Variants in LRRC9 observed in about 807,000 individuals in gnomAD.
LRRC9 encodes the protein leucine-rich repeat-containing protein 9.
A neutral mutation model predicts 63.2 loss-of-function variants in LRRC9; 122 were observed. The observed-to-expected ratio is 1.93, with a 90% CI of 1.67 to 2.24. The LOEUF (loss-of-function observed/expected upper bound fraction) is 2.24, where lower values mean the gene tolerates loss of function less well. Among genes scored for constraint, LRRC9 ranks in the 30% most tolerant of loss-of-function variants. The probability of loss-of-function intolerance (pLI) is 0.00; values close to 1 mark genes in which losing one functional copy is unlikely to be tolerated. For missense variants in LRRC9, 1,071 were observed against 627.7 expected, an observed-to-expected ratio of 1.71 and a Z score of -7.55; for synonymous variants, 366 against 213.1, an observed-to-expected ratio of 1.72 and a Z score of -6.25.
At chr14:59,994,744 A>G (rs559724969) in intron 17 of LRRC9, among the ~76,000 whole-genome samples, 1 of 152,274 alleles carries the variant, frequency 6.6e-6, no homozygotes, top group African/African-American at 2.4e-5. Flanking sequence ...CATCATTCTC[A>G]GCAAACTATC....
chr14:60,021,380 T>C (rs1273579017), intron 26 of LRRC9, among the ~76,000 whole-genome samples: 1 of 151,920 alleles, frequency 6.6e-6, no homozygotes, highest in African/African-American at 2.4e-5. Context: ...AGTGTCTTTA[T>C]ACTGGGGGTA....
At chr14:60,040,376 T>G (rs1325853032) in intron 29 of LRRC9, among the ~76,000 whole-genome samples, 1 of 151,890 alleles carries the variant, frequency 6.6e-6, no homozygotes, top group Non-Finnish European at 1.5e-5. Flanking sequence ...AGTCTCCCAT[T>G]ATTATTGTGT....
At chr14:59,982,167 G>A (rs1887001439) in intron 16 of LRRC9, 107 bp downstream of exon 16, 2 of 609,206 alleles carry the variant, frequency 3.3e-6, no homozygotes, top group Non-Finnish European at 5.8e-6. Flanking sequence ...ATGATGCCAG[G>A]TACAATGCTA....
intron 8 of LRRC9, among the ~76,000 whole-genome samples, chr14:59,956,853 G>A (rs542156449): frequency 2.0e-5 from 3 of 152,238 alleles, no homozygotes; most frequent in South Asian, 2.1e-4. Context: ...ACGTTTGCTT[G>A]TCTGTAAAGG....
chr14:60,025,612 C>T (rs1891483460), intron 27 of LRRC9, among the ~76,000 whole-genome samples: 1 of 149,948 alleles, frequency 6.7e-6, no homozygotes, highest in Admixed American at 6.7e-5. Context: ...AGGTGTTTGT[C>T]TACATAGATT....
chr14:60,011,725 G>A (rs755091820), intron 23 of LRRC9, among the ~76,000 whole-genome samples: 3 of 152,190 alleles, frequency 2.0e-5, no homozygotes, highest in Non-Finnish European at 2.9e-5. Flanking sequence ...GAATGCATTG[G>A]ATTTGAAGGG....
exon 8 of LRRC9, chr14:59,944,611 T>G: frequency 1.7e-6 from 1 of 584,344 alleles, no homozygotes; most frequent in South Asian, 2.2e-5. Context: ...AAAAAAATAA[T>G]GTATTATAAT....
At position 59,922,497 on chromosome 14, in the gene LRRC9, G is replaced by A. The variant is rs746649709; in HGVS notation, c.-34+2614G>A. 4.6e-5 allele frequency among the ~76,000 whole-genome samples: 7 copies of A among 152,186 alleles called. No homozygotes were observed. The highest frequency in any genetic ancestry group is 6.5e-5 in the Admixed American group (1 of 15,282). ...TTTATATACAGAAATAAAGGAGACC[G>A]TTGACAAGGAAATTTGGCAATAAAT... On this transcript the variant is annotated intron_variant, in intron 1 of 31. Coordinates refer to ENST00000445360, the Ensembl canonical transcript of LRRC9. This position sits in a 1 kb window ranked among gnomAD's most constrained non-coding sequence, Gnocchi z 5.3.
At chr14:59,991,819 T>C (rs921396626) in intron 17 of LRRC9, among the ~76,000 whole-genome samples, 1 of 151,936 alleles carries the variant, frequency 6.6e-6, no homozygotes, top group Admixed American at 6.6e-5. Context: ...GCCCAGAAGC[T>C]CGAACTGCGT....
intron 13 of LRRC9, among the ~76,000 whole-genome samples, chr14:59,976,483 G>GT (rs1206920832): frequency 1.3e-5 from 2 of 152,118 alleles, no homozygotes; most frequent in Non-Finnish European, 2.9e-5. Context: ...GTGTTTTGCA[G>GT]TTTTTTATCC....
At position 59,982,190 on chromosome 14, in the gene LRRC9, AT is replaced by A. The variant is rs1198826681; in HGVS notation, c.2091+133del. The A allele has an allele frequency of 2.1e-5, 12 of 574,798 alleles. No individual in the cohort carries two copies. The East Asian group carries it at 3.4e-4, about 16-fold the overall frequency. The allele number at this position is 574,798 out of a possible 1,614,324, so 35.6% of individuals were successfully genotyped here. A position where few individuals can be genotyped will look rare whatever the true frequency, so the allele number is the denominator to read the frequency against. The stretch of plus-strand genomic sequence containing the variant: ...AGGTACAATGCTACCTAAAGCGTCC[AT>A]TTCTCTTTTTCTACTTGGATTAAAT... On this transcript the variant is annotated intron_variant, in intron 16 of 31. Coordinates refer to ENST00000445360, the Ensembl canonical transcript of LRRC9.
chr14:60,060,537 G>A lies in LRRC9; in HGVS notation c.4276+2515G>A, dbSNP rs1486469850. On this transcript the variant is annotated intron_variant, in intron 31 of 31. Coordinates refer to ENST00000445360, the Ensembl canonical transcript of LRRC9. The surrounding 1 kb of genome is among the most constrained non-coding windows in gnomAD (Gnocchi z 4.0). ...GGGCAGATCACGAGGTCAGGAGATC[G>A]AGACCATCCTGGCTAACACGGTGAA... 3.9e-5 allele frequency among the ~76,000 whole-genome samples: 6 copies of A among 152,124 alleles called. No homozygotes were observed. The highest frequency in any genetic ancestry group is 2.6e-4 in the Admixed American group (4 of 15,280).
intron 10 of LRRC9, among the ~76,000 whole-genome samples, chr14:59,965,763 G>A (rs1329348569): frequency 6.6e-6 from 1 of 151,456 alleles, no homozygotes; most frequent in African/African-American, 2.4e-5. Flanking sequence ...GGCGCCTGTA[G>A]TCCCAGCTAC....
In LRRC9 at chr14:59,963,725, A is replaced by G. The variant is rs181984484; in HGVS notation, c.1211+2680A>G. 6.9e-4 allele frequency among the ~76,000 whole-genome samples: 105 copies of G among 152,310 alleles called. 2 individuals are homozygous for G. The highest frequency in any genetic ancestry group is 2.4e-3 in the African/African-American group (98 of 41,566). On this transcript the variant is annotated intron_variant, in intron 10 of 31. Transcript: ENST00000445360. ...TTTGGTGTATATAATGACTTTCAGT[A>G]ATTAATCTGCCTCTTTATAAAGATT...
intron 15 of LRRC9, among the ~76,000 whole-genome samples, chr14:59,981,313 T>A (rs1886904820): frequency 6.6e-6 from 1 of 152,164 alleles, no homozygotes; most frequent in South Asian, 2.1e-4. Flanking sequence ...TTGTCCTAGA[T>A]TTTTAAAAAT....
At chr14:60,016,681 G>A in exon 24 of LRRC9, 1 of 700,018 alleles carries the variant, frequency 1.4e-6, no homozygotes, top group African/African-American at 1.7e-5. Context: ...GACTGACAGT[G>A]CAAAAGATTT....
intron 27 of LRRC9, among the ~76,000 whole-genome samples, chr14:60,026,212 T>A (rs1891539960): frequency 6.6e-6 from 1 of 152,088 alleles, no homozygotes; most frequent in African/African-American, 2.4e-5. Flanking sequence ...CACAGAAAGA[T>A]GAATGAAAGG....
At chr14:59,991,678 A>C (rs149709479) in intron 17 of LRRC9, among the ~76,000 whole-genome samples, 4 of 151,786 alleles carry the variant, frequency 2.6e-5, no homozygotes, top group Admixed American at 6.6e-5. Flanking sequence ...TATCCCGCGC[A>C]TAGCTCGGAG....
In LRRC9 at chr14:59,958,181, G is replaced by C. The variant is rs1594872771; in HGVS notation, c.883-1637G>C. Among the ~76,000 whole-genome samples the C allele has an allele frequency of 6.6e-6, 1 of 152,182 alleles. No individual in the cohort carries two copies. On this transcript the variant is annotated intron_variant, in intron 8 of 31. Coordinates refer to ENST00000445360, the Ensembl canonical transcript of LRRC9. This position sits in a 1 kb window ranked among gnomAD's most constrained non-coding sequence, Gnocchi z 4.0. ...GTGCTGGGCGAATCCCTCTTGTCAG[G>C]ATTAGCTGCTCTCTTCAGAGCTGGC...
Sources: gnomAD v4.1 joint callset for allele counts (sites outside exome capture counted in the v4.1 genomes callset) on GRCh38, gnomAD v4.1.1 for gene constraint, Gnocchi (gnomAD v3.1) non-coding constraint, MANE v1.5 for transcripts, NCBI Gene and HGNC (gene_info 2026-07-23, HGNC 2026-07-21) for gene names.